Variants in LARGE1 observed in about 807,000 individuals in gnomAD.
LARGE1 encodes the protein LARGE xylosyl- and glucuronyltransferase 1.
In LARGE1, 43 loss-of-function variants were observed where a neutral mutation model predicts 87.6. That is an observed-to-expected ratio of 0.49 (90% confidence interval 0.38 to 0.63). The LOEUF (loss-of-function observed/expected upper bound fraction) is 0.63. LARGE1 is among the 30% of genes least tolerant of loss of function. LARGE1 has a pLI of 0.00. For missense variants in LARGE1, 802 were observed against 1,000.2 expected (o/e 0.80, Z 2.67); for synonymous variants, 434 against 394.6 (o/e 1.10, Z -1.18).
the LARGE1 span, among the ~76,000 whole-genome samples, chr22:33,118,941 T>G: frequency 6.2e-4 from 94 of 152,350 alleles, no homozygotes; most frequent in African/African-American, 2.2e-3. Flanking sequence ...TCGTCTAAGT[T>G]GACAATGTGG....
the LARGE1 span, among the ~76,000 whole-genome samples, chr22:33,118,504 G>GA: frequency 0.2 from 16,240 of 80,462 alleles, 1,019 homozygotes; most frequent in South Asian, 0.29. Context: ...AAAGAAAAAA[G>GA]AAAAAAAAAA....
intron 7 of LARGE1, among the ~76,000 whole-genome samples, chr22:33,391,055 A>G (rs1423045172): frequency 6.6e-6 from 1 of 151,104 alleles, no homozygotes; most frequent in Non-Finnish European, 1.5e-5. Context: ...CTGCTCTCGA[A>G]CTCCTGACCT....
At chr22:33,846,879 G>A (rs2063448243) in intron 1 of LARGE1, among the ~76,000 whole-genome samples, 1 of 152,138 alleles carries the variant, frequency 6.6e-6, no homozygotes, top group South Asian at 2.1e-4. Flanking sequence ...CAATGACAAT[G>A]GTGCCCGAAA....
chr22:33,328,081 A>G (rs1937396160), intron 10 of LARGE1, among the ~76,000 whole-genome samples: 1 of 152,232 alleles, frequency 6.6e-6, no homozygotes, highest in Admixed American at 6.5e-5. Context: ...TCATGATTAT[A>G]TTAGTGATAA....
chr22:33,175,620 G>A (rs1922822778), intron 11 of LARGE1, among the ~76,000 whole-genome samples: 1 of 152,080 alleles, frequency 6.6e-6, no homozygotes, highest in South Asian at 2.1e-4. Context: ...CCTCTTCAAG[G>A]AGAACTACAA....
chr22:33,699,553 A>T (rs2082347202), intron 2 of LARGE1, among the ~76,000 whole-genome samples: 1 of 152,246 alleles, frequency 6.6e-6, no homozygotes, highest in South Asian at 2.1e-4. Flanking sequence ...CACGATGTAG[A>T]CAGATGCAGG....
At chr22:33,915,012 A>AAC (rs71320998) in intron 1 of LARGE1, among the ~76,000 whole-genome samples, 7,517 of 139,014 alleles carry the variant, frequency 0.054, 231 homozygotes, top group Non-Finnish European at 0.065. Context: ...TACAAACACA[A>AAC]ACACACACAC....
intron 10 of LARGE1, among the ~76,000 whole-genome samples, chr22:33,327,144 T>C (rs1937316377): frequency 6.6e-6 from 1 of 152,226 alleles, no homozygotes; most frequent in Non-Finnish European, 1.5e-5. Context: ...AGCCATCTGT[T>C]TCTTGGCATT....
At chr22:33,242,491 G>A (rs60142837) in intron 11 of LARGE1, among the ~76,000 whole-genome samples, 3,767 of 152,202 alleles carry the variant, frequency 0.025, 55 homozygotes, top group African/African-American at 0.033. Flanking sequence ...ACTTTTTAAA[G>A]CTATTTTATA....
intron 1 of LARGE1, among the ~76,000 whole-genome samples, chr22:33,857,686 G>C (rs934468363): frequency 6.6e-6 from 1 of 152,188 alleles, no homozygotes; most frequent in African/African-American, 2.4e-5. Context: ...CACACCCAGG[G>C]CAGTTATCTG....
intron 2 of LARGE1, among the ~76,000 whole-genome samples, chr22:33,699,258 G>A (rs1164189788): frequency 3.3e-5 from 5 of 152,226 alleles, no homozygotes; most frequent in Admixed American, 3.3e-4. Context: ...CACAGCAGGG[G>A]TAACACAGCT....
rs1040166765 is a variant in LARGE1 at position 33,662,070 on chromosome 22, A to G, written c.107-11402T>C. Among the ~76,000 whole-genome samples, 8 of 115,278 alleles carry G rather than the reference A, an allele frequency of 6.9e-5. No individual in the cohort carries two copies. In the South Asian group the frequency reaches 1.0e-3, roughly 15 times the overall value. 75.6% of individuals were successfully genotyped at this position (115,278 alleles called of 152,430 possible). ...AAAACACTAACACTAAGGACAGCTT[A>G]GGAGCCAAAAAAAAAAAAAAAAAAA... On this transcript the variant is annotated intron_variant, in intron 2 of 14. Transcript: ENST00000397394.
At chr22:33,638,186 A>T (rs2080324219) in intron 3 of LARGE1, among the ~76,000 whole-genome samples, 1 of 152,230 alleles carries the variant, frequency 6.6e-6, no homozygotes, top group Admixed American at 6.5e-5. Context: ...CTGCTGGGTT[A>T]TTATGTAAAG....
intron 11 of LARGE1, among the ~76,000 whole-genome samples, chr22:33,219,953 C>A (rs1925379073): frequency 6.6e-6 from 1 of 152,072 alleles, no homozygotes; most frequent in East Asian, 1.9e-4. Context: ...CAGCCTTAGT[C>A]CTGAGAAGAG....
At chr22:33,845,087 G>C (rs2063391893) in intron 1 of LARGE1, among the ~76,000 whole-genome samples, 1 of 152,016 alleles carries the variant, frequency 6.6e-6, no homozygotes, top group Admixed American at 6.6e-5. Flanking sequence ...GAAATGCAAA[G>C]ATCTAAAACA....
chr22:33,473,992 A>T (rs963682743), intron 6 of LARGE1, among the ~76,000 whole-genome samples: 2 of 152,222 alleles, frequency 1.3e-5, no homozygotes, highest in African/African-American at 4.8e-5. Flanking sequence ...TCTCCAAAAC[A>T]TCTTTGGAGG....
chr22:33,087,306 C>A, the LARGE1 span, among the ~76,000 whole-genome samples: 7 of 151,940 alleles, frequency 4.6e-5, no homozygotes, highest in South Asian at 1.5e-3. Context: ...ACAAGTTCTT[C>A]AATTTAATTA....
At chr22:33,760,456 C>T (rs184529854) in intron 2 of LARGE1, among the ~76,000 whole-genome samples, 3 of 152,160 alleles carry the variant, frequency 2.0e-5, no homozygotes, top group Non-Finnish European at 4.4e-5. Context: ...CAGCCCAGGT[C>T]TGACAGCTCC....
chr22:33,623,566 C>A (rs2079822429), intron 4 of LARGE1, among the ~76,000 whole-genome samples: 1 of 152,106 alleles, frequency 6.6e-6, no homozygotes, highest in African/African-American at 2.4e-5. Context: ...TGCTAACTTG[C>A]CAGCTTGCTG....
Sources: gnomAD v4.1 joint callset for allele counts (sites outside exome capture counted in the v4.1 genomes callset) on GRCh38, gnomAD v4.1.1 for gene constraint, MANE v1.5 for transcripts, NCBI Gene and HGNC (gene_info 2026-07-23, HGNC 2026-07-21) for gene names.